PRKAG2: variants seen among roughly 807,000 people sequenced by gnomAD.
PRKAG2 encodes the protein 5'-AMP-activated protein kinase subunit gamma-2.
Under a neutral mutation model 69.6 loss-of-function variants are expected in PRKAG2, and 26 were observed. The observed-to-expected ratio is 0.37, with a 90% CI of 0.27 to 0.52. PRKAG2 has a LOEUF of 0.52. Ranked by LOEUF, PRKAG2 falls within the 20% of genes least tolerant of loss-of-function variation. The pLI, the probability that PRKAG2 is intolerant of heterozygous loss-of-function variation, is 0.90. For synonymous variants in PRKAG2, 293 were observed against 285.0 expected (o/e 1.03, Z -0.28); for missense variants, 557 against 740.0 (o/e 0.75, Z 2.87).
At position 151,675,510 on chromosome 7, in the gene PRKAG2, C is replaced by T. The variant is rs397517276; in HGVS notation, c.594G>A (p.Pro198=). 3.2e-5 allele frequency: 51 copies of T among 1,613,930 alleles called. No homozygotes were observed. The highest frequency in any genetic ancestry group is 1.6e-4 in the Middle Eastern group (1 of 6,084). The change falls in exon 4 of 16, where the codon CCG becomes CCA. Residue 198 remains proline (P), a synonymous_variant. Transcript: ENST00000287878. ...ACGGGCAGAACCTCTGCCCTGTGTC[C>T]GGGGGGGAAGACGAGGCATAGATGC... is the stretch of plus-strand genomic sequence containing the variant. ...ENRIYASSSP[P]DTGQRFCPSS... is the part of the protein sequence containing the mutation.
chr7:151,635,866 A>ATT lies in PRKAG2; in HGVS notation c.685-3730_685-3729dup, dbSNP rs1202730297. 1.2e-3 allele frequency among the ~76,000 whole-genome samples: 162 copies of ATT among 139,798 alleles called. 3 individuals carry two copies. In the East Asian group the frequency reaches 0.026, roughly 22 times the overall value. The allele number at this position is 139,798 out of a possible 152,430, so 91.7% of individuals were successfully genotyped here. On this transcript the variant is annotated intron_variant, in intron 4 of 15. Transcript: ENST00000287878. ...AATTCTGTGGAGGAAATGACAATAA[A>ATT]TTTTTTTTTTTTTTTTTTTGAGACG...
chr7:151,637,233 T>A (rs1489072421), intron 4 of PRKAG2, among the ~76,000 whole-genome samples: 1 of 152,176 alleles, frequency 6.6e-6, no homozygotes, highest in Non-Finnish European at 1.5e-5. Flanking sequence ...GTTTAATTTT[T>A]AAAAAAAGTT....
intron 1 of PRKAG2, among the ~76,000 whole-genome samples, chr7:151,839,232 A>G (rs541606513): frequency 6.6e-6 from 1 of 152,306 alleles, no homozygotes. Context: ...AAGTCGTGAT[A>G]TTCTCAGACA....
chr7:151,708,476 G>C (rs1207606067), intron 3 of PRKAG2, among the ~76,000 whole-genome samples: 1 of 152,172 alleles, frequency 6.6e-6, no homozygotes, highest in African/African-American at 2.4e-5. Context: ...GCAGCGTAAA[G>C]ATGGTTTTCA....
intron 6 of PRKAG2, among the ~76,000 whole-genome samples, chr7:151,591,783 A>G (rs1253363216): frequency 1.3e-5 from 2 of 152,136 alleles, no homozygotes; most frequent in Non-Finnish European, 2.9e-5. Flanking sequence ...GGAAGCCTCC[A>G]CCAAAAGGAA....
At chr7:151,818,885 G>C (rs1038801747) in intron 1 of PRKAG2, among the ~76,000 whole-genome samples, 3 of 152,246 alleles carry the variant, frequency 2.0e-5, no homozygotes, top group Admixed American at 2.0e-4. Flanking sequence ...ATGACAGCTT[G>C]AGGCCAGTGC....
At chr7:151,734,083 TG>T (rs1799382131) in intron 3 of PRKAG2, among the ~76,000 whole-genome samples, 1 of 152,084 alleles carries the variant, frequency 6.6e-6, no homozygotes, top group African/African-American at 2.4e-5. Flanking sequence ...GTTCTCTTTA[TG>T]GGGCTTTCTT....
chr7:151,696,173 C>T (rs1836606148), intron 3 of PRKAG2, among the ~76,000 whole-genome samples: 1 of 152,240 alleles, frequency 6.6e-6, no homozygotes, highest in South Asian at 2.1e-4. Flanking sequence ...CAAATACCTC[C>T]TCCTCCTCCC....
chr7:151,753,846 C>A (rs767722377), intron 3 of PRKAG2, among the ~76,000 whole-genome samples: 1 of 152,034 alleles, frequency 6.6e-6, no homozygotes, highest in Non-Finnish European at 1.5e-5. Context: ...CCAGCCTGGG[C>A]AACATGGCAA....
chr7:151,785,338 C>T (rs1414596375), intron 2 of PRKAG2, among the ~76,000 whole-genome samples: 2 of 152,222 alleles, frequency 1.3e-5, no homozygotes, highest in African/African-American at 4.8e-5. Flanking sequence ...CCAGTGCCCG[C>T]GGGGCTGGTC....
At chr7:151,669,909 T>TAC (rs1831658279) in intron 4 of PRKAG2, among the ~76,000 whole-genome samples, 1 of 131,296 alleles carries the variant, frequency 7.6e-6, no homozygotes, top group African/African-American at 3.0e-5. Flanking sequence ...TGCATGCACA[T>TAC]ACCTGCATGC....
intron 3 of PRKAG2, among the ~76,000 whole-genome samples, chr7:151,701,565 C>T (rs374420252): frequency 2.0e-5 from 3 of 152,056 alleles, no homozygotes; most frequent in African/African-American, 2.4e-5. Context: ...GATTGCCGGC[C>T]GGGCGTGGTG....
At chr7:151,654,355 C>T (rs900285445) in intron 4 of PRKAG2, among the ~76,000 whole-genome samples, 8 of 152,172 alleles carry the variant, frequency 5.3e-5, no homozygotes, top group African/African-American at 1.2e-4. Context: ...CCCTCCTTAA[C>T]TCATATGGCT....
chr7:151,559,517 A>T (rs1481969264), intron 15 of PRKAG2: 6 of 981,778 alleles, frequency 6.1e-6, no homozygotes, highest in Non-Finnish European at 7.3e-6. Context: ...GGTGGTGATG[A>T]TGCCTGGCCT....
chr7:151,696,945 C>G (rs1394407023), intron 3 of PRKAG2, among the ~76,000 whole-genome samples: 1 of 152,138 alleles, frequency 6.6e-6, no homozygotes, highest in African/African-American at 2.4e-5. Flanking sequence ...AGGCTCAGGC[C>G]CTGTTCACCT....
chr7:151,770,932 TTG>T (rs911305161), intron 3 of PRKAG2, among the ~76,000 whole-genome samples: 2 of 152,202 alleles, frequency 1.3e-5, no homozygotes, highest in Non-Finnish European at 2.9e-5. Context: ...CGGTTGGGTC[TTG>T]TGTTGACCAT....
At chr7:151,854,479 A>G (rs2079656000) in intron 1 of PRKAG2, among the ~76,000 whole-genome samples, 1 of 152,170 alleles carries the variant, frequency 6.6e-6, no homozygotes, top group Non-Finnish European at 1.5e-5. Context: ...GCCTTCCCCC[A>G]CACATCACAG....
At chr7:151,662,478 T>C (rs1175514330) in intron 4 of PRKAG2, among the ~76,000 whole-genome samples, 2 of 152,222 alleles carry the variant, frequency 1.3e-5, no homozygotes, top group African/African-American at 4.8e-5. Flanking sequence ...TTCCTTCCTC[T>C]GAATCTCCAC....
At chr7:151,640,133 A>G (rs530092749) in intron 4 of PRKAG2, among the ~76,000 whole-genome samples, 2 of 152,244 alleles carry the variant, frequency 1.3e-5, no homozygotes, top group East Asian at 3.9e-4. Flanking sequence ...CAACATGGTG[A>G]AACAATGTCT....
Sources: allele counts gnomAD v4.1 joint callset (sites outside exome capture counted in the v4.1 genomes callset), GRCh38; gene constraint gnomAD v4.1.1; transcripts MANE v1.5; gene names NCBI Gene and HGNC (gene_info 2026-07-23, HGNC 2026-07-21).